The following UBXN4 variants were observed in gnomAD, a reference collection of about 807,000 sequenced individuals.
UBXN4 encodes the protein UBX domain-containing protein 4.
A neutral mutation model predicts 66.2 loss-of-function variants in UBXN4; 35 were observed. That is an observed-to-expected ratio of 0.53 (90% CI 0.40 to 0.70). UBXN4 has a LOEUF of 0.70. Among genes scored for constraint, UBXN4 ranks in the 30% least tolerant of loss-of-function variants. The probability of loss-of-function intolerance (pLI) is 0.00; values close to 1 mark genes in which losing one functional copy is unlikely to be tolerated. For missense variants in UBXN4, 533 were observed against 599.8 expected, an observed-to-expected ratio of 0.89 and a Z score of 1.16; for synonymous variants, 203 against 204.5, an observed-to-expected ratio of 0.99 and a Z score of 0.06.
intron 4 of UBXN4, 122 bp downstream of exon 4, chr2:135,754,399 T>C: frequency 1.4e-6 from 1 of 702,614 alleles, no homozygotes; most frequent in South Asian, 1.8e-5. Context: ...TCAGCTCAAG[T>C]GCAGCCTCCG....
intron 6 of UBXN4, 62 bp downstream of exon 6, chr2:135,761,973 A>G (rs1254810362): frequency 6.8e-7 from 1 of 1,462,282 alleles, no homozygotes; most frequent in African/African-American, 1.4e-5. Context: ...CAGTTATTTC[A>G]TTAATTTGAA....
intron 12 of UBXN4, among the ~76,000 whole-genome samples, chr2:135,781,061 C>T (rs1376271318): frequency 3.9e-5 from 6 of 152,118 alleles, no homozygotes; most frequent in African/African-American, 1.4e-4. Context: ...CTTGTCTGTA[C>T]AAAAACAATT....
intron 3 of UBXN4, 175 bp from the exon 4 acceptor site, chr2:135,753,982 CAT>C: frequency 1.8e-6 from 1 of 542,166 alleles, no homozygotes; most frequent in South Asian, 2.6e-5. Context: ...CATAAATTAA[CAT>C]GTCACATGTA....
At position 135,762,665 on chromosome 2, in the gene UBXN4, A is replaced by C. The variant is rs150128761; in HGVS notation, c.602+754A>C. Among the ~76,000 whole-genome samples, 322 of 152,296 alleles carry C rather than the reference A, an allele frequency of 2.1e-3. 4 individuals carry two copies. The highest frequency in any genetic ancestry group is 0.017 in the Admixed American group (253 of 15,294). ...AGTAAAGATCAGCTTCTTTTCAGCA[A>C]AACCTAGATTCTGATTGTTCTTTGT... On this transcript the variant is annotated intron_variant, in intron 6 of 12. Coordinates refer to ENST00000272638, the MANE Select transcript of UBXN4 (RefSeq NM_014607.4).
At chr2:135,752,760 G>T (rs2077252120) in intron 2 of UBXN4, among the ~76,000 whole-genome samples, 1 of 152,052 alleles carries the variant, frequency 6.6e-6, no homozygotes, top group Non-Finnish European at 1.5e-5. Flanking sequence ...TCACTCTGTT[G>T]CCCAGGCTGG....
chr2:135,755,409 G>A (rs1226830758), intron 4 of UBXN4, 108 bp from the exon 5 acceptor site: 17 of 801,894 alleles, frequency 2.1e-5, no homozygotes, highest in Middle Eastern at 3.0e-4. Flanking sequence ...TGAGCATTTC[G>A]TATTTCTCTT....
chr2:135,749,273 G>A (rs1182404217), intron 2 of UBXN4, among the ~76,000 whole-genome samples: 1 of 152,104 alleles, frequency 6.6e-6, no homozygotes, highest in Non-Finnish European at 1.5e-5. Flanking sequence ...ATCTCTGAGA[G>A]GTTGATCACT....
At chr2:135,766,983 CT>C (rs1422236491) in intron 6 of UBXN4, among the ~76,000 whole-genome samples, 2 of 152,142 alleles carry the variant, frequency 1.3e-5, no homozygotes, top group African/African-American at 2.4e-5. Flanking sequence ...GATCTACCCC[CT>C]CTACTTTCCA....
chr2:135,762,794 G>A lies in UBXN4; in HGVS notation c.602+883G>A, dbSNP rs866706888. On this transcript the variant is annotated intron_variant, in intron 6 of 12. Transcript: ENST00000272638. ...AGAAGAATAGCAGCAGGAAACTTAA[G>A]TTCCCAAGGGTTCATCCTGTTTTGC... 3.9e-5 allele frequency among the ~76,000 whole-genome samples: 6 copies of A among 152,162 alleles called. No homozygotes were observed. In the South Asian group the frequency reaches 1.2e-3, roughly 32 times the overall value.
Position 135,780,327 on chromosome 2 carries a change from G to T in UBXN4, c.1330G>T (p.Val444Leu). 1 of 1,614,178 alleles carries T rather than the reference G, an allele frequency of 6.2e-7. No homozygotes were observed. Among genetic ancestry groups the T allele is most frequent in the Non-Finnish European group, 8.5e-7 (1 of 1,180,040 alleles). ...TAATCCGCCTCCCACACAGACTTCA[G>T]TGAGAGTAACATCGTCAGAACCCCC... ...FSNPPPTQTS[V>L]RVTSSEPPNP... Residue 444 changes from valine to leucine, a missense_variant, in exon 12 of 13, where the codon GTG becomes TTG. This residue lies in a region of UBXN4 where 529 missense variants were observed against 580.1 expected (regional missense o/e 0.91). Transcript: ENST00000272638.
At position 135,785,023 on chromosome 2, in the gene UBXN4, T is replaced by A. The variant is rs1208409553; in HGVS notation, c.*2136T>A. 1 of 152,262 alleles carries A rather than the reference T, an allele frequency of 6.6e-6. No homozygotes were observed. Among genetic ancestry groups the A allele is most frequent in the Non-Finnish European group, 1.5e-5 (1 of 68,038 alleles). The allele number at this position is 152,262 out of a possible 1,614,324, so 9.4% of individuals were successfully genotyped here. Reference sequence around the variant, plus strand: ...TATGCGTATATAAGCAAATATGTAATCTTTATTTTTTAAATAAATGGGATC... The same window carrying A: ...TATGCGTATATAAGCAAATATGTAAACTTTATTTTTTAAATAAATGGGATC... On this transcript the variant is annotated 3_prime_UTR_variant, in exon 13 of 13. Coordinates refer to ENST00000272638, the MANE Select transcript of UBXN4 (RefSeq NM_014607.4).
Position 135,753,543 on chromosome 2 carries a change from G to A in UBXN4, c.190G>A (p.Ala64Thr), listed in dbSNP as rs1232653844. The A allele has an allele frequency of 1.3e-6, 2 of 1,525,728 alleles. No individual in the cohort carries two copies. Among genetic ancestry groups the A allele is most frequent in the East Asian group, 2.5e-5 (1 of 39,564 alleles). 94.5% of individuals were successfully genotyped at this position (1,525,728 alleles called of 1,614,324 possible). Residue 64 changes from alanine (A) to threonine (T), a missense_variant, in exon 3 of 13, where the codon GCC (alanine) becomes ACC (threonine). Physicochemically the swap from Ala to Thr is moderately conservative, Grantham distance 58. Around this residue, in one of 2 missense-constraint regions of UBXN4, gnomAD observed 529 missense variants for 580.1 expected, o/e 0.91. Transcript: ENST00000272638. The part of the protein sequence containing the change: ...VAIKIDTKSE[A>T]CLQFSQIYPV... ...TTGTTTGATTTTGTTTTACAGTGAA[G>A]CCTGCCTACAGTTTTCACAAATCTG... is the stretch of plus-strand genomic sequence containing the variant.
intron 6 of UBXN4, among the ~76,000 whole-genome samples, chr2:135,767,315 C>T (rs1023477566): frequency 2.6e-5 from 4 of 151,962 alleles, no homozygotes; most frequent in East Asian, 1.9e-4. Context: ...GAGCCGAGAT[C>T]GTGCCACTGC....
chr2:135,755,833 C>A (rs939002946), intron 5 of UBXN4, 142 bp downstream of exon 5: 6 of 471,204 alleles, frequency 1.3e-5, no homozygotes, highest in African/African-American at 2.1e-5. Flanking sequence ...ATATTAAATA[C>A]ACATGTGTCA....
chr2:135,753,690 C>G, intron 3 of UBXN4, 123 bp downstream of exon 3: 1 of 860,838 alleles, frequency 1.2e-6, no homozygotes, highest in Non-Finnish European at 1.7e-6. Context: ...TTTATGGAAA[C>G]TTTATTACTA....
chr2:135,745,874 A>ATTTTTTTT (rs1491420549), intron 1 of UBXN4, among the ~76,000 whole-genome samples: 21 of 13,890 alleles, frequency 1.5e-3, no homozygotes, highest in Admixed American at 2.1e-3. Flanking sequence ...AGTCCCGTTT[A>ATTTTTTTT]CTTTTTTTTT....
At chr2:135,778,187 A>G in intron 10 of UBXN4, among the ~76,000 whole-genome samples, 1 of 148,844 alleles carries the variant, frequency 6.7e-6, no homozygotes, top group African/African-American at 2.4e-5. Flanking sequence ...AAAAAAAAAA[A>G]ACAAAAAAAA....
chr2:135,751,377 A>G (rs1454893597), intron 2 of UBXN4, among the ~76,000 whole-genome samples: 1 of 143,832 alleles, frequency 7.0e-6, no homozygotes, highest in African/African-American at 2.6e-5. Context: ...TTTAGTAGAG[A>G]TGGGGTTTCA....
At chr2:135,750,508 AAAAAATAAAAAT>A (rs970952538) in intron 2 of UBXN4, among the ~76,000 whole-genome samples, 1 of 152,158 alleles carries the variant, frequency 6.6e-6, no homozygotes, top group South Asian at 2.1e-4. Context: ...TCCGTCTCAA[AAAAAATAAAAAT>A]AAAAATAAAA....
Sources: allele counts gnomAD v4.1 joint callset (sites outside exome capture counted in the v4.1 genomes callset), GRCh38; gene constraint gnomAD v4.1.1; regional missense constraint gnomAD v4.1.1; transcripts MANE v1.5; gene names NCBI Gene and HGNC (gene_info 2026-07-23, HGNC 2026-07-21).